GALNT13: variants seen among roughly 807,000 people sequenced by gnomAD.
The protein encoded by GALNT13 is polypeptide N-acetylgalactosaminyltransferase 13.
A neutral mutation model predicts 64.2 loss-of-function variants in GALNT13; 28 were observed. The observed-to-expected ratio is 0.44, with a 90% CI of 0.32 to 0.60. The LOEUF (loss-of-function observed/expected upper bound fraction) is 0.60, where lower values mean the gene tolerates loss of function less well. Among genes scored for constraint, GALNT13 ranks in the 20% least tolerant of loss-of-function variants. The probability of loss-of-function intolerance (pLI) is 0.05; values close to 1 mark genes in which losing one functional copy is unlikely to be tolerated. For missense variants in GALNT13, 577 were observed against 669.8 expected (o/e 0.86, Z 1.53); for synonymous variants, 214 against 224.6 (o/e 0.95, Z 0.42).
chr2:153,429,753 GC>G, the GALNT13 span, among the ~76,000 whole-genome samples: 1 of 152,120 alleles, frequency 6.6e-6, no homozygotes, highest in South Asian at 2.1e-4. Flanking sequence ...ATGAGATCTA[GC>G]ATTTATAAAA....
At chr2:153,179,742 T>C in the GALNT13 span, among the ~76,000 whole-genome samples, 3 of 152,154 alleles carry the variant, frequency 2.0e-5, no homozygotes, top group Admixed American at 1.3e-4. Context: ...CATTTTATAG[T>C]TTTCAGTGTA....
the GALNT13 span, among the ~76,000 whole-genome samples, chr2:153,335,860 A>T: frequency 8.5e-5 from 13 of 152,140 alleles, no homozygotes; most frequent in Non-Finnish European, 1.8e-4. Flanking sequence ...GCCCAGGAGA[A>T]AAAAGTGGTT....
At chr2:153,453,644 G>C in the GALNT13 span, among the ~76,000 whole-genome samples, 2 of 152,144 alleles carry the variant, frequency 1.3e-5, no homozygotes, top group Non-Finnish European at 2.9e-5. Flanking sequence ...ACAGAGAAAA[G>C]AGAATAGTTT....
chr2:153,541,449 T>C, the GALNT13 span, among the ~76,000 whole-genome samples: 22 of 152,278 alleles, frequency 1.4e-4, 1 homozygote, highest in African/African-American at 5.3e-4. Context: ...CTGTCTCTCA[T>C]TTCTCTTCTT....
the GALNT13 span, among the ~76,000 whole-genome samples, chr2:153,255,801 C>G: frequency 6.6e-6 from 1 of 152,192 alleles, no homozygotes; most frequent in South Asian, 2.1e-4. Flanking sequence ...GGCCCCCACT[C>G]TCTTCTGGCT....
the GALNT13 span, among the ~76,000 whole-genome samples, chr2:153,194,591 T>C: frequency 6.6e-6 from 1 of 152,250 alleles, no homozygotes; most frequent in Non-Finnish European, 1.5e-5. Context: ...TTTGTCTTCA[T>C]TGGAGTCTGT....
At chr2:153,546,111 A>C in the GALNT13 span, among the ~76,000 whole-genome samples, 20 of 152,362 alleles carry the variant, frequency 1.3e-4, no homozygotes, top group Admixed American at 8.5e-4. Flanking sequence ...GAGATAAGCC[A>C]CAAAATACAT....
chr2:153,986,231 A>C (rs867823339), intron 3 of GALNT13, among the ~76,000 whole-genome samples: 15 of 152,158 alleles, frequency 9.9e-5, no homozygotes, highest in Middle Eastern at 6.8e-3. Flanking sequence ...ATTTTGGAAG[A>C]ATCTCATGTA....
At chr2:153,712,561 A>G in the GALNT13 span, among the ~76,000 whole-genome samples, 2 of 152,206 alleles carry the variant, frequency 1.3e-5, no homozygotes. Flanking sequence ...ACATTATGGT[A>G]GCGTAGAAAA....
chr2:153,299,586 GTC>G, the GALNT13 span, among the ~76,000 whole-genome samples: 4 of 152,124 alleles, frequency 2.6e-5, no homozygotes, highest in Non-Finnish European at 4.4e-5. Flanking sequence ...TCCTTAGCCA[GTC>G]TCTCTCTCTT....
the GALNT13 span, among the ~76,000 whole-genome samples, chr2:153,510,824 G>A: frequency 6.6e-6 from 1 of 152,132 alleles, no homozygotes; most frequent in East Asian, 1.9e-4. Context: ...GTAGGAAGCA[G>A]ACAGGAGAGC....
rs1211277041 is a variant in GALNT13, at chr2:154,086,148, A to G, written c.143-54189A>G. ...TTATATATCATATAATAAAGTATAT[A>G]TTATATAGAATACATATAATACATT... On this transcript the variant is annotated intron_variant, in intron 3 of 12. Coordinates refer to ENST00000392825, the MANE Select transcript of GALNT13 (RefSeq NM_052917.4). Among the ~76,000 whole-genome samples the G allele has an allele frequency of 7.4e-5, 11 of 148,146 alleles. No individual in the cohort carries two copies. In the South Asian group the frequency reaches 2.1e-3, roughly 28 times the overall value.
chr2:154,070,594 A>G (rs1158978888), intron 3 of GALNT13, among the ~76,000 whole-genome samples: 1 of 152,182 alleles, frequency 6.6e-6, no homozygotes, highest in Non-Finnish European at 1.5e-5. Flanking sequence ...CCTCTTTTAT[A>G]TTGTGATAAA....
At chr2:154,195,896 A>G (rs1686854174) in intron 4 of GALNT13, among the ~76,000 whole-genome samples, 1 of 152,130 alleles carries the variant, frequency 6.6e-6, no homozygotes, top group African/African-American at 2.4e-5. Flanking sequence ...CCCTAACTCC[A>G]TTCTGCAGAA....
chr2:154,145,048 TTCTCTCTCTCTCTCTC>T, intron 4 of GALNT13, among the ~76,000 whole-genome samples: 1 of 106,682 alleles, frequency 9.4e-6, no homozygotes. Context: ...ATTTATGTAG[TTCTCTCTCTCTCTCTC>T]TCTCTCTCTA....
Position 154,396,061 on chromosome 2 carries a change from C to G in GALNT13, c.1227C>G (p.Pro409=). 1 of 1,611,212 alleles carries G rather than the reference C, an allele frequency of 6.2e-7. No individual in the cohort carries two copies. The highest frequency in any genetic ancestry group is 1.1e-5 in the South Asian group (1 of 90,794). Residue 409 remains proline, a synonymous_variant, in exon 10 of 13, where the codon CCC becomes CCG. Transcript: ENST00000392825. ...KTLRENLKCK[P]FSWYLENIYP... is the part of the protein sequence containing the mutation. ...TAAGAGAAAATCTGAAGTGTAAGCC[C>G]TTTTCTTGGTACCTAGAAAACATCT...
intron 2 of GALNT13, among the ~76,000 whole-genome samples, chr2:153,902,619 G>C (rs1332984832): frequency 2.6e-5 from 4 of 152,070 alleles, no homozygotes; most frequent in Non-Finnish European, 5.9e-5. Context: ...AGAATGAAGG[G>C]ATGAGGGCAA....
chr2:153,611,861 C>A, the GALNT13 span, among the ~76,000 whole-genome samples: 4 of 151,594 alleles, frequency 2.6e-5, no homozygotes, highest in Non-Finnish European at 5.9e-5. Context: ...CCCCTTGTCC[C>A]CCACCCCCCA....
the GALNT13 span, among the ~76,000 whole-genome samples, chr2:153,436,841 T>A: frequency 1.3e-5 from 2 of 152,220 alleles, no homozygotes; most frequent in African/African-American, 2.4e-5. Flanking sequence ...TCTGCTCTGA[T>A]CTTAGTTACT....
Sources: allele counts gnomAD v4.1 joint callset (sites outside exome capture counted in the v4.1 genomes callset), GRCh38; gene constraint gnomAD v4.1.1; transcripts MANE v1.5; gene names NCBI Gene and HGNC (gene_info 2026-07-23, HGNC 2026-07-21).